FAT4: variants seen among roughly 807,000 people sequenced by gnomAD.
FAT4 encodes the protein FAT atypical cadherin 4.
A neutral mutation model predicts 303.9 loss-of-function variants in FAT4; 84 were observed. That is an observed-to-expected ratio of 0.28 (90% CI 0.23 to 0.33). The LOEUF is 0.33. Among genes scored for constraint, FAT4 ranks in the 10% least tolerant of loss-of-function variants. The pLI is 1.00. For missense variants in FAT4, 6,005 were observed against 6,146.8 expected, an observed-to-expected ratio of 0.98 and a Z score of 0.77; for synonymous variants, 2,307 against 2,298.8, an observed-to-expected ratio of 1.00 and a Z score of -0.10.
chr4:125,407,458 G>T (rs562407563), intron 4 of FAT4, among the ~76,000 whole-genome samples: 1 of 133,964 alleles, frequency 7.5e-6, no homozygotes, highest in Non-Finnish European at 1.6e-5. Context: ...TGATTTGGGG[G>T]CTATGTATAA....
rs77621777 is a variant in FAT4 at position 125,369,847 on chromosome 4, A to T, written c.5176-28937A>T. 5.1e-3 allele frequency among the ~76,000 whole-genome samples: 783 copies of T among 152,278 alleles called. 31 individuals carry two copies. Among genetic ancestry groups the T allele is most frequent in the Admixed American group, 0.036 (546 of 15,280 alleles). ...TCCCATGAAGTTGACTACTTTTGCTAACTGATATAAATGGAATCATACATA... is the reference window on the plus strand; with the variant it reads ...TCCCATGAAGTTGACTACTTTTGCTTACTGATATAAATGGAATCATACATA... On this transcript the variant is annotated intron_variant, in intron 2 of 17. Transcript: ENST00000394329.
chr4:125,406,879 G>C lies in FAT4; in HGVS notation c.5308-1G>C, dbSNP rs1471656672. The C allele has an allele frequency of 6.2e-7, 1 of 1,609,582 alleles. No homozygotes were observed. Among genetic ancestry groups the C allele is most frequent in the Non-Finnish European group, 8.5e-7 (1 of 1,178,290 alleles). ...CTCAGATGCTTGGTCTCTTTTTTTA[G>C]GGTGCAAATGCTCTCGTCACATACA... On this transcript the variant is annotated splice_acceptor_variant, in intron 3 of 17. Coordinates refer to ENST00000394329, the MANE Select transcript of FAT4 (RefSeq NM_001291303.3). LOFTEE classifies it high-confidence loss of function.
At chr4:125,433,857 C>T (rs1232299001) in intron 7 of FAT4, among the ~76,000 whole-genome samples, 1 of 152,118 alleles carries the variant, frequency 6.6e-6, no homozygotes, top group Non-Finnish European at 1.5e-5. Flanking sequence ...TGTTAGTTGG[C>T]CAGCTCTTCC....
chr4:125,382,149 G>A (rs538884681), intron 2 of FAT4, among the ~76,000 whole-genome samples: 58 of 152,238 alleles, frequency 3.8e-4, no homozygotes, highest in Non-Finnish European at 6.0e-4. Context: ...TCCTGTTGAC[G>A]TTGGTATTTT....
At chr4:125,416,298 G>A (rs1000708752) in intron 6 of FAT4, 150 bp from the exon 7 acceptor site, 11 of 689,468 alleles carry the variant, frequency 1.6e-5, no homozygotes, top group African/African-American at 1.5e-4. Flanking sequence ...ATACTATAGT[G>A]TGCCATTTTT....
In FAT4 at chr4:125,318,369, C is replaced by T. The variant is rs201365776; in HGVS notation, c.1958C>T (p.Ala653Val). Residue 653 changes from alanine to valine, a missense_variant, in exon 2 of 18, where the codon GCC becomes GTC. Ala to Val is a moderately conservative substitution (Grantham distance 64). Transcript: ENST00000394329. Reference protein sequence around the residue: ...TISSLDREEQAFYSLLVLATD... With the variant: ...TISSLDREEQVFYSLLVLATD... ...TCCTCCTTGGACAGAGAAGAGCAAG[C>T]CTTCTACTCCCTGTTGGTTCTGGCC... 3.5e-5 allele frequency: 56 copies of T among 1,614,088 alleles called. No homozygotes were observed. Among genetic ancestry groups the T allele is most frequent in the Non-Finnish European group, 4.5e-5 (53 of 1,180,052 alleles).
At chr4:125,391,882 G>A (rs1733990045) in intron 2 of FAT4, among the ~76,000 whole-genome samples, 1 of 152,058 alleles carries the variant, frequency 6.6e-6, no homozygotes, top group Non-Finnish European at 1.5e-5. Flanking sequence ...TACATTTGCT[G>A]AATATGGGAC....
intron 2 of FAT4, among the ~76,000 whole-genome samples, chr4:125,328,167 G>C (rs1328028039): frequency 6.6e-6 from 1 of 152,212 alleles, no homozygotes; most frequent in Non-Finnish European, 1.5e-5. Context: ...TATGTAGTCT[G>C]TGACAAAAGT....
chr4:125,456,426 A>G (rs981417167), intron 10 of FAT4, among the ~76,000 whole-genome samples: 2 of 152,198 alleles, frequency 1.3e-5, no homozygotes, highest in South Asian at 2.1e-4. Flanking sequence ...AATGATATAA[A>G]CAAACATAAA....
rs149985937 is a variant in FAT4, at chr4:125,477,261, A to G, written c.12406A>G (p.Ile4136Val). The G allele has an allele frequency of 1.2e-5, 19 of 1,583,944 alleles. No homozygotes were observed. The African/African-American group carries it at 1.4e-4, about 12-fold the overall frequency. The change falls in exon 14 of 18, where the codon ATA becomes GTA. Residue 4136 changes from isoleucine (I) to valine (V), a missense_variant. By Grantham distance (29) the Ile-to-Val change is conservative (BLOSUM62 3). Coordinates refer to ENST00000394329, the MANE Select transcript of FAT4 (RefSeq NM_001291303.3). ...HVESHDFVGC[I>V]MEFAVNGRPL... is the part of the protein sequence containing the mutation. ...GGAAAGCCATGATTTTGTTGGGTGT[A>G]TAATGGAGTTTGCAGTCAATGGAAG...
Position 125,321,008 on chromosome 4 carries a change from A to T in FAT4, c.4597A>T (p.Asn1533Tyr). ...NDNVPMFISQ[N>Y]ALAADPSAVI... ...CAATGTCCCAATGTTTATATCACAA[A>T]ACGCCCTTGCTGCAGACCCATCAGC... Residue 1533 changes from asparagine to tyrosine, a missense_variant, in exon 2 of 18, where the codon AAC becomes TAC. Coordinates refer to ENST00000394329, the MANE Select transcript of FAT4 (RefSeq NM_001291303.3). 4 of 1,614,144 alleles carry T rather than the reference A, an allele frequency of 2.5e-6. No individual in the cohort carries two copies. Among genetic ancestry groups the T allele is most frequent in the Non-Finnish European group, 3.4e-6 (4 of 1,180,010 alleles).
At chr4:125,352,936 G>T (rs1195935112) in intron 2 of FAT4, among the ~76,000 whole-genome samples, 1 of 151,802 alleles carries the variant, frequency 6.6e-6, no homozygotes, top group Admixed American at 6.6e-5. Context: ...TTCCTCAGCA[G>T]AATGCCTTGG....
intron 5 of FAT4, among the ~76,000 whole-genome samples, chr4:125,409,258 ATT>A (rs200526406): frequency 8.3e-5 from 12 of 144,876 alleles, no homozygotes; most frequent in African/African-American, 1.5e-4. Flanking sequence ...ATAGCTAATA[ATT>A]TTTTTTTTTT....
chr4:125,400,788 A>G (rs572300891), intron 3 of FAT4, among the ~76,000 whole-genome samples: 7 of 152,182 alleles, frequency 4.6e-5, no homozygotes, highest in Non-Finnish European at 1.0e-4. Context: ...CAGAATGTAA[A>G]GTGATGATAG....
In FAT4 at chr4:125,398,823, G is replaced by T; in HGVS notation, c.5215G>T (p.Val1739Leu). The T allele has an allele frequency of 6.2e-7, 1 of 1,613,268 alleles. No individual in the cohort carries two copies. Among genetic ancestry groups the T allele is most frequent in the Non-Finnish European group, 8.5e-7 (1 of 1,179,404 alleles). ...TLQDINDNPP[V>L]FPTDMLDLTV... The stretch of plus-strand genomic sequence containing the variant: ...TCAGGATATCAATGACAATCCACCA[G>T]TATTTCCAACGGACATGCTGGATCT... The change falls in exon 3 of 18, where the codon GTA becomes TTA. Residue 1739 changes from valine (V) to leucine (L), a missense_variant. Coordinates refer to ENST00000394329, the MANE Select transcript of FAT4 (RefSeq NM_001291303.3).
At chr4:125,393,873 G>C (rs908277471) in intron 2 of FAT4, 24 of 750,614 alleles carry the variant, frequency 3.2e-5, no homozygotes, top group Non-Finnish European at 5.5e-5. Context: ...TCATTTACCA[G>C]AGTTTTACTG....
At chr4:125,398,946 A>G (rs550523500) in intron 3 of FAT4, 31 bp downstream of exon 3, 1 of 1,609,500 alleles carries the variant, frequency 6.2e-7, no homozygotes, top group East Asian at 2.2e-5. Context: ...AATTTGTGAA[A>G]CTTCGTAGTG....
At chr4:125,464,557 T>C (rs991679481) in intron 11 of FAT4, among the ~76,000 whole-genome samples, 1 of 152,188 alleles carries the variant, frequency 6.6e-6, no homozygotes, top group African/African-American at 2.4e-5. Context: ...TCTAGGGTAA[T>C]GTGCACAACG....
At chr4:125,455,681 A>G (rs72675365) in intron 10 of FAT4, among the ~76,000 whole-genome samples, 5,490 of 152,266 alleles carry the variant, frequency 0.036, 147 homozygotes, top group African/African-American at 0.077. Context: ...CTATTTATAT[A>G]CATGTCGCAC....
Sources: allele counts gnomAD v4.1 joint callset (sites outside exome capture counted in the v4.1 genomes callset), GRCh38; gene constraint gnomAD v4.1.1; transcripts MANE v1.5; gene names NCBI Gene and HGNC (gene_info 2026-07-23, HGNC 2026-07-21).